The following ANXA4 variants were observed in gnomAD, a reference collection of about 807,000 sequenced individuals.
ANXA4 encodes annexin A4.
A neutral mutation model predicts 49.8 loss-of-function variants in ANXA4; 39 were observed. The observed-to-expected ratio is 0.78, with a 90% CI of 0.61 to 1.02. The LOEUF (loss-of-function observed/expected upper bound fraction) is 1.02. Among genes scored for constraint, ANXA4 ranks in the 50% least tolerant of loss-of-function variants. The pLI, the probability that ANXA4 is intolerant of heterozygous loss-of-function variation, is 0.00. For missense variants in ANXA4, 360 were observed against 410.1 expected, an observed-to-expected ratio of 0.88 and a Z score of 1.05; for synonymous variants, 134 against 152.5, an observed-to-expected ratio of 0.88 and a Z score of 0.89.
At chr2:69,752,045 C>CT (rs746510058) in intron 1 of ANXA4, among the ~76,000 whole-genome samples, 7 of 152,102 alleles carry the variant, frequency 4.6e-5, no homozygotes, top group Non-Finnish European at 1.0e-4. Context: ...GCACCTAACT[C>CT]TATCATTAGT....
intron 3 of ANXA4, among the ~76,000 whole-genome samples, chr2:69,799,691 C>T (rs1673104740): frequency 6.6e-6 from 1 of 152,148 alleles, no homozygotes; most frequent in Admixed American, 6.5e-5. Flanking sequence ...TACAGTGATT[C>T]TATGTGCACC....
chr2:69,678,389 CTT>C (rs150952411), intron 2 of ANXA4, among the ~76,000 whole-genome samples: 4 of 78,366 alleles, frequency 5.1e-5, no homozygotes, highest in African/African-American at 5.1e-5. Flanking sequence ...CTTTTCTTTT[CTT>C]TTTTTTTTTT....
intron 2 of ANXA4, among the ~76,000 whole-genome samples, chr2:69,699,612 T>C (rs1055237533): frequency 2.6e-5 from 4 of 152,212 alleles, no homozygotes; most frequent in Middle Eastern, 3.4e-3. Context: ...CCAGCCTAGA[T>C]GACAGTGAGA....
At chr2:69,773,368 A>G (rs766793128) in intron 1 of ANXA4, among the ~76,000 whole-genome samples, 7 of 152,088 alleles carry the variant, frequency 4.6e-5, no homozygotes, top group Non-Finnish European at 1.0e-4. Context: ...CCAAAACTAC[A>G]TGAAAGCAAA....
chr2:69,776,590 C>T (rs1671970773), intron 1 of ANXA4, among the ~76,000 whole-genome samples: 1 of 152,164 alleles, frequency 6.6e-6, no homozygotes, highest in African/African-American at 2.4e-5. Context: ...GGGTGTGCCA[C>T]AATTTAACTA....
intron 2 of ANXA4, among the ~76,000 whole-genome samples, chr2:69,673,100 A>G (rs1317447558): frequency 2.0e-5 from 3 of 152,208 alleles, no homozygotes; most frequent in Non-Finnish European, 4.4e-5. Context: ...TGTGGAAGAC[A>G]GTGTGGCAAT....
chr2:69,729,712 C>A (rs1288968756), intron 3 of ANXA4, among the ~76,000 whole-genome samples: 1 of 152,190 alleles, frequency 6.6e-6, no homozygotes, highest in Non-Finnish European at 1.5e-5. Flanking sequence ...ATACACTGTT[C>A]ATGGATTTTT....
chr2:69,678,277 A>T (rs1035349892), intron 2 of ANXA4, among the ~76,000 whole-genome samples: 1 of 151,722 alleles, frequency 6.6e-6, no homozygotes, highest in Non-Finnish European at 1.5e-5. Flanking sequence ...ACAGTTCTAG[A>T]AGTAGAATTA....
chr2:69,756,254 T>G (rs1252560787), intron 1 of ANXA4, among the ~76,000 whole-genome samples: 1 of 152,204 alleles, frequency 6.6e-6, no homozygotes, highest in Non-Finnish European at 1.5e-5. Context: ...TCCTAACCCT[T>G]TCCAAATAGC....
At chr2:69,659,601 A>G (rs528532018) in intron 2 of ANXA4, among the ~76,000 whole-genome samples, 2 of 152,284 alleles carry the variant, frequency 1.3e-5, no homozygotes, top group South Asian at 2.1e-4. Context: ...GGCTTTCAGA[A>G]TAGTTAAGTA....
chr2:69,805,281 A>C (rs1189337797), intron 4 of ANXA4, among the ~76,000 whole-genome samples: 2 of 152,062 alleles, frequency 1.3e-5, no homozygotes, highest in South Asian at 4.1e-4. Context: ...TATGTATATA[A>C]CAGTAGAAAA....
chr2:69,818,560 T>G lies in ANXA4; in HGVS notation c.629-39T>G, dbSNP rs748956799. ...CTCCATAAATTTTAGTTTCCTCTGT[T>G]TTTTCTTCCCAATAATACTATTTTG... On this transcript the variant is annotated intron_variant, in intron 9 of 12. Transcript: ENST00000394295. The G allele has an allele frequency of 7.0e-6, 10 of 1,420,894 alleles. No homozygotes were observed. In the South Asian group the frequency reaches 1.2e-4, roughly 17 times the overall value. 88.0% of individuals were successfully genotyped at this position (1,420,894 alleles called of 1,614,324 possible). A position where few individuals can be genotyped will look rare whatever the true frequency, so the allele number is the denominator to read the frequency against.
rs991990093 is a variant in ANXA4 at position 69,793,257 on chromosome 2, A to T, written c.97+5116A>T. Among the ~76,000 whole-genome samples, 3 of 152,068 alleles carry T rather than the reference A, an allele frequency of 2.0e-5. 1 individual carries two copies. The East Asian group carries it at 5.8e-4, about 29-fold the overall frequency. ...CAGAGCAAGACTCCATCTCAAAAAAAAAAAAGCAGTTTACAACCTTAAAAC... is the reference window on the plus strand; with the variant it reads ...CAGAGCAAGACTCCATCTCAAAAAATAAAAAGCAGTTTACAACCTTAAAAC... On this transcript the variant is annotated intron_variant, in intron 3 of 12. Transcript: ENST00000394295.
At chr2:69,710,558 C>G (rs1277541724) in intron 2 of ANXA4, among the ~76,000 whole-genome samples, 4 of 152,082 alleles carry the variant, frequency 2.6e-5, no homozygotes, top group Non-Finnish European at 5.9e-5. Context: ...AAATATATAT[C>G]TGATACAGGT....
intron 2 of ANXA4, among the ~76,000 whole-genome samples, chr2:69,701,563 A>G (rs914003741): frequency 6.6e-6 from 1 of 152,204 alleles, no homozygotes; most frequent in African/African-American, 2.4e-5. Flanking sequence ...GCTGAATAGT[A>G]TTATATTCAC....
intron 2 of ANXA4, among the ~76,000 whole-genome samples, chr2:69,786,009 C>T (rs1385390284): frequency 6.6e-6 from 1 of 152,196 alleles, no homozygotes; most frequent in East Asian, 1.9e-4. Flanking sequence ...TGCATCCCGA[C>T]TTTATTATAC....
intron 2 of ANXA4, among the ~76,000 whole-genome samples, chr2:69,783,304 G>A (rs142235402): frequency 1.6e-3 from 241 of 152,074 alleles, no homozygotes; most frequent in African/African-American, 5.0e-3. Context: ...TACCACCTCC[G>A]TCGTAGGTTT....
chr2:69,646,865 A>G lies in ANXA4; in HGVS notation n.481+1960A>G, dbSNP rs534725468. ...AACCCCTGTTCCACAAACCATAACT[A>G]TTTCTTTGATTGGACAAGAGACTGA... On this transcript the variant is annotated intron_variant and non_coding_transcript_variant, in intron 1 of 3. Transcript: ENST00000418066. Among the ~76,000 whole-genome samples the G allele has an allele frequency of 2.0e-5, 3 of 152,238 alleles. No homozygotes were observed. The East Asian group carries it at 5.8e-4, about 29-fold the overall frequency.
intron 1 of ANXA4, among the ~76,000 whole-genome samples, chr2:69,772,711 A>G (rs1209370649): frequency 1.3e-5 from 2 of 152,110 alleles, no homozygotes; most frequent in East Asian, 3.9e-4. Flanking sequence ...ATTTATTTGT[A>G]TATTCTATTT....
Sources: gnomAD v4.1 joint callset for allele counts (sites outside exome capture counted in the v4.1 genomes callset) on GRCh38, gnomAD v4.1.1 for gene constraint, MANE v1.5 for transcripts, NCBI Gene and HGNC (gene_info 2026-07-23, HGNC 2026-07-21) for gene names.